Variants in HIBCH observed in about 807,000 individuals in gnomAD.
HIBCH encodes the protein 3-hydroxyisobutyryl-CoA hydrolase, also known as 3-hydroxyisobutyryl-CoA hydrolase, mitochondrial.
Under a neutral mutation model 58.2 loss-of-function variants are expected in HIBCH, and 50 were observed. That is an observed-to-expected ratio of 0.86 (90% CI 0.68 to 1.09). The LOEUF (loss-of-function observed/expected upper bound fraction) is 1.09. Among genes scored for constraint, HIBCH ranks in the 50% least tolerant of loss-of-function variants. The pLI is 0.00. For synonymous variants in HIBCH, 151 were observed against 146.9 expected (o/e 1.03, Z -0.20); for missense variants, 450 against 449.7 (o/e 1.00, Z -0.01).
intron 11 of HIBCH, among the ~76,000 whole-genome samples, chr2:190,235,639 C>T (rs569820467): frequency 7.2e-5 from 11 of 152,092 alleles, no homozygotes; most frequent in South Asian, 2.1e-4. Flanking sequence ...TCTTTTTGGC[C>T]GTATTTCCTG....
At chr2:190,212,378 G>C (rs1214086400) in intron 12 of HIBCH, among the ~76,000 whole-genome samples, 1 of 152,072 alleles carries the variant, frequency 6.6e-6, no homozygotes, top group Non-Finnish European at 1.5e-5. Flanking sequence ...CTTCTTAAGG[G>C]TCCTCTGAAC....
chr2:190,265,728 TTTCA>T (rs1687215014), intron 6 of HIBCH, among the ~76,000 whole-genome samples: 1 of 152,330 alleles, frequency 6.6e-6, no homozygotes, highest in East Asian at 1.9e-4. Context: ...AAAGACTTAC[TTTCA>T]TTAACAGTTA....
chr2:190,316,158 T>C (rs1286506151), intron 1 of HIBCH, among the ~76,000 whole-genome samples: 3 of 151,968 alleles, frequency 2.0e-5, no homozygotes, highest in African/African-American at 7.2e-5. Context: ...ATTTATTTAT[T>C]TTTAGAGACA....
intron 6 of HIBCH, among the ~76,000 whole-genome samples, chr2:190,277,944 TTGTA>T (rs1687599164): frequency 6.6e-6 from 1 of 152,204 alleles, no homozygotes; most frequent in African/African-American, 2.4e-5. Context: ...AGTGTTAAAT[TTGTA>T]TGAAGATTTT....
At chr2:190,227,363 C>T (rs1226559691) in intron 11 of HIBCH, among the ~76,000 whole-genome samples, 12 of 152,112 alleles carry the variant, frequency 7.9e-5, no homozygotes, top group African/African-American at 2.9e-4. Context: ...AACTGGCTAG[C>T]CATATGTAGA....
chr2:190,240,731 T>C (rs1686427299), intron 11 of HIBCH, among the ~76,000 whole-genome samples: 1 of 152,210 alleles, frequency 6.6e-6, no homozygotes, highest in Non-Finnish European at 1.5e-5. Flanking sequence ...CTTAATTTCA[T>C]TATTTACCCA....
chr2:190,256,167 A>G (rs185254773), intron 7 of HIBCH, among the ~76,000 whole-genome samples: 2 of 152,288 alleles, frequency 1.3e-5, no homozygotes, highest in East Asian at 3.9e-4. Context: ...CTCCCTGGAC[A>G]CATGGGGATT....
Position 190,222,198 on chromosome 2 carries a change from G to C in HIBCH, c.892-9123C>G, listed in dbSNP as rs981631735. 2.0e-5 allele frequency among the ~76,000 whole-genome samples: 3 copies of C among 152,160 alleles called. No individual in the cohort carries two copies. The East Asian group carries it at 5.8e-4, about 29-fold the overall frequency. ...TCAGTGCCCAAAAGCCCTCAACCCA[G>C]CTTCTGCACTCACTCACTTGTGTTC... On this transcript the variant is annotated intron_variant, in intron 11 of 13. Transcript: ENST00000359678.
At position 190,281,004 on chromosome 2, in the gene HIBCH, A is replaced by C. The variant is rs148859680; in HGVS notation, c.438+6582T>G. ...AAGGAGGCAAGAATCAAGTTGCTTC[A>C]GACCTGTACGGATCCACCACTAACA... On this transcript the variant is annotated intron_variant, in intron 6 of 13. Transcript: ENST00000359678. The surrounding 1 kb of genome is among the most constrained non-coding windows in gnomAD (Gnocchi z 5.4). The C allele has an allele frequency of 1.3e-5, 2 of 152,194 alleles. No homozygotes were observed. The highest frequency in any genetic ancestry group is 1.5e-5 in the Non-Finnish European group (1 of 68,046). The allele number at this position is 152,194 out of a possible 1,614,324, so 9.4% of individuals were successfully genotyped here. A position where few individuals can be genotyped will look rare whatever the true frequency, so the allele number is the denominator to read the frequency against.
At chr2:190,262,736 C>T (rs966361706) in intron 6 of HIBCH, among the ~76,000 whole-genome samples, 3 of 152,124 alleles carry the variant, frequency 2.0e-5, no homozygotes, top group African/African-American at 7.2e-5. Context: ...CAGATCCATG[C>T]GGGGTAACTG....
At chr2:190,205,869 G>GA (rs903688424) in intron 13 of HIBCH, among the ~76,000 whole-genome samples, 3 of 151,536 alleles carry the variant, frequency 2.0e-5, no homozygotes, top group Admixed American at 1.3e-4. Flanking sequence ...TAACTTCTCC[G>GA]AAAAAAAAGG....
chr2:190,244,045 T>G (rs900493809), intron 11 of HIBCH, among the ~76,000 whole-genome samples: 1 of 152,122 alleles, frequency 6.6e-6, no homozygotes, highest in African/African-American at 2.4e-5. Context: ...CTATCAAAAT[T>G]TTTTCTCAAT....
At chr2:190,219,723 G>A (rs548179767) in intron 11 of HIBCH, among the ~76,000 whole-genome samples, 65 of 152,276 alleles carry the variant, frequency 4.3e-4, no homozygotes, top group African/African-American at 1.5e-3. Flanking sequence ...GGAACCGGGG[G>A]AGGGTCCTGC....
intron 7 of HIBCH, among the ~76,000 whole-genome samples, chr2:190,257,537 C>G (rs1319089075): frequency 6.6e-6 from 1 of 151,968 alleles, no homozygotes; most frequent in African/African-American, 2.4e-5. Flanking sequence ...TGACCAATAT[C>G]AAGAATAAGA....
At chr2:190,253,642 G>C (rs1027255483) in intron 7 of HIBCH, among the ~76,000 whole-genome samples, 1 of 152,094 alleles carries the variant, frequency 6.6e-6, no homozygotes, top group Non-Finnish European at 1.5e-5. Context: ...TAGCCAAAGT[G>C]ATCTTTTAAA....
intron 13 of HIBCH, among the ~76,000 whole-genome samples, chr2:190,205,915 G>A (rs1049583704): frequency 2.6e-5 from 4 of 152,140 alleles, no homozygotes; most frequent in Non-Finnish European, 4.4e-5. Context: ...TTACACACAC[G>A]TTATCATTTG....
chr2:190,246,412 T>A (rs1314618346), intron 9 of HIBCH, among the ~76,000 whole-genome samples, 200 bp from the exon 10 acceptor site: 1 of 152,218 alleles, frequency 6.6e-6, no homozygotes, highest in Non-Finnish European at 1.5e-5. Context: ...CTTAAAAGTA[T>A]CAACGGCAAA....
In HIBCH at chr2:190,315,048, C is replaced by T. The variant is rs190427671; in HGVS notation, c.36-4252G>A. On this transcript the variant is annotated intron_variant, in intron 1 of 13. Transcript: ENST00000359678. The surrounding 1 kb of genome is among the most constrained non-coding windows in gnomAD (Gnocchi z 5.4). The stretch of plus-strand genomic sequence containing the variant: ...CTGCAGGCTCTGCCTTCCGGGTTCA[C>T]GCCATTCTCCTGCCTCAGTCTCCTG... 6.8e-3 allele frequency among the ~76,000 whole-genome samples: 1,028 copies of T among 151,654 alleles called. 9 individuals carry two copies. Among genetic ancestry groups the T allele is most frequent in the African/African-American group, 0.024 (977 of 41,368 alleles).
intron 6 of HIBCH, among the ~76,000 whole-genome samples, chr2:190,274,418 G>A (rs1249555856): frequency 6.6e-6 from 1 of 152,166 alleles, no homozygotes; most frequent in East Asian, 1.9e-4. Context: ...ACTTTCATGT[G>A]GGTAGTTTGT....
Sources: gnomAD v4.1 joint callset for allele counts (sites outside exome capture counted in the v4.1 genomes callset) on GRCh38, gnomAD v4.1.1 for gene constraint, Gnocchi (gnomAD v3.1) non-coding constraint, MANE v1.5 for transcripts, NCBI Gene and HGNC (gene_info 2026-07-23, HGNC 2026-07-21) for gene names.